Variants in RYK observed in about 807,000 individuals in gnomAD.
RYK encodes inactive tyrosine-protein kinase RYK.
A neutral mutation model predicts 70.2 loss-of-function variants in RYK; 21 were observed. The observed-to-expected ratio is 0.30, with a 90% confidence interval of 0.21 to 0.43. RYK has a LOEUF of 0.43. Ranked by LOEUF, RYK falls within the 20% of genes least tolerant of loss-of-function variation. The probability of loss-of-function intolerance (pLI) is 1.00; values close to 1 mark genes in which losing one functional copy is unlikely to be tolerated. For synonymous variants in RYK, 267 were observed against 278.0 expected, an observed-to-expected ratio of 0.96 and a Z score of 0.39; for missense variants, 604 against 753.3, an observed-to-expected ratio of 0.80 and a Z score of 2.32.
chr3:134,200,122 C>G (rs1464723059), intron 6 of RYK, among the ~76,000 whole-genome samples: 1 of 151,950 alleles, frequency 6.6e-6, no homozygotes, highest in Non-Finnish European at 1.5e-5. Flanking sequence ...AGCAGGCCAC[C>G]CAAGCCAGCA....
chr3:134,245,303 AT>A (rs1364482789), intron 1 of RYK, among the ~76,000 whole-genome samples: 1 of 152,078 alleles, frequency 6.6e-6, no homozygotes, highest in Non-Finnish European at 1.5e-5. Flanking sequence ...CCTAACTGCC[AT>A]TTACACATTG....
chr3:134,247,489 G>C (rs774710437), intron 1 of RYK, among the ~76,000 whole-genome samples: 1 of 152,186 alleles, frequency 6.6e-6, no homozygotes, highest in Non-Finnish European at 1.5e-5. Context: ...GATCACCTGA[G>C]GTTGGGGGTT....
chr3:134,188,207 C>T (rs1267589021), intron 9 of RYK, among the ~76,000 whole-genome samples: 1 of 146,088 alleles, frequency 6.8e-6, no homozygotes, highest in Non-Finnish European at 1.5e-5. Context: ...GTCGCCCAGG[C>T]TGGAGTGCAG....
intron 1 of RYK, among the ~76,000 whole-genome samples, chr3:134,232,862 T>C (rs1193530717): frequency 6.6e-6 from 1 of 152,242 alleles, no homozygotes; most frequent in African/African-American, 2.4e-5. Flanking sequence ...GGATCTGGAA[T>C]AGCAGGAATA....
chr3:134,233,315 G>T (rs1324617449), intron 1 of RYK, among the ~76,000 whole-genome samples: 1 of 152,054 alleles, frequency 6.6e-6, no homozygotes, highest in Non-Finnish European at 1.5e-5. Context: ...TAAACTTGAA[G>T]GGTTTTTATG....
intron 1 of RYK, among the ~76,000 whole-genome samples, chr3:134,243,855 T>C (rs1465859509): frequency 6.6e-6 from 1 of 152,164 alleles, no homozygotes; most frequent in Admixed American, 6.5e-5. Context: ...ATAACTCTTA[T>C]CTCTGTTACA....
intron 5 of RYK, among the ~76,000 whole-genome samples, chr3:134,206,141 C>T (rs2014206415): frequency 1.3e-5 from 2 of 151,938 alleles, no homozygotes; most frequent in Admixed American, 6.6e-5. Flanking sequence ...AGCAAGTAGA[C>T]GATATGTCAC....
At chr3:134,182,889 A>T in intron 10 of RYK, 113 bp downstream of exon 10, 2 of 535,972 alleles carry the variant, frequency 3.7e-6, no homozygotes, top group Non-Finnish European at 6.3e-6. Flanking sequence ...AAAAAAATTA[A>T]GCTATTCCAC....
In RYK at chr3:134,245,660, A is replaced by G. The variant is rs561039093; in HGVS notation, c.232+4763T>C. On this transcript the variant is annotated intron_variant, in intron 1 of 14. Transcript: ENST00000623711. ...GTTTTTTCTGAAGAAACTGAATCAC[A>G]GTGACAGGAGAACTGTAGCCAGAAG... Among the ~76,000 whole-genome samples, 16 of 152,274 alleles carry G rather than the reference A, an allele frequency of 1.1e-4. 1 individual carries two copies. In the South Asian group the frequency reaches 3.1e-3, roughly 30 times the overall value.
chr3:134,222,322 C>A, intron 2 of RYK, 96 bp downstream of exon 2: 1 of 1,258,350 alleles, frequency 7.9e-7, no homozygotes, highest in Non-Finnish European at 1.1e-6. Flanking sequence ...ACCAGCGGAC[C>A]CTTCAGTACA....
In RYK at chr3:134,167,553, G is replaced by C. The variant is rs139764147; in HGVS notation, c.1575+8056C>G. Among the ~76,000 whole-genome samples, 448 of 152,228 alleles carry C rather than the reference G, an allele frequency of 2.9e-3. 1 individual carries two copies. The highest frequency in any genetic ancestry group is 0.01 in the African/African-American group (418 of 41,550). Reference sequence around the variant, plus strand: ...AAACTGGCTAGCCATATGTAGAAAGGTGAAACTGGATAGCCATATGTAGAA... The same window carrying C: ...AAACTGGCTAGCCATATGTAGAAAGCTGAAACTGGATAGCCATATGTAGAA... On this transcript the variant is annotated intron_variant, in intron 13 of 14. Transcript: ENST00000623711.
rs1263073285 is a variant in RYK at position 134,175,619 on chromosome 3, G to C, written c.1565C>G (p.Ala522Gly). Reference sequence around the variant, plus strand: ...GGTCCCGGCACTTACCACATCACTAGCGCTAGAGAACTCGTTATTAACCAG... The same window carrying C: ...GGTCCCGGCACTTACCACATCACTACCGCTAGAGAACTCGTTATTAACCAG... Reference protein sequence around the residue: ...ESLVNNEFSSASDVWAFGVTL... With the variant: ...ESLVNNEFSSGSDVWAFGVTL... Residue 522 changes from alanine (A) to glycine (G), a missense_variant, in exon 13 of 15, where the codon GCT becomes GGT. This residue lies in a region of RYK where 138 missense variants were observed against 217.4 expected (regional missense o/e 0.63). Coordinates refer to ENST00000623711, the MANE Select transcript of RYK (RefSeq NM_002958.4). 1 of 1,613,510 alleles carries C rather than the reference G, an allele frequency of 6.2e-7. No individual in the cohort carries two copies. Among genetic ancestry groups the C allele is most frequent in the Non-Finnish European group, 8.5e-7 (1 of 1,179,824 alleles).
At chr3:134,172,061 C>T (rs1270115906) in intron 13 of RYK, among the ~76,000 whole-genome samples, 2 of 152,122 alleles carry the variant, frequency 1.3e-5, no homozygotes, top group Non-Finnish European at 2.9e-5. Flanking sequence ...CCATTTTCTG[C>T]CCATCGAACT....
chr3:134,238,363 G>T (rs138319313), intron 1 of RYK, among the ~76,000 whole-genome samples: 1 of 152,330 alleles, frequency 6.6e-6, no homozygotes, highest in African/African-American at 2.4e-5. Context: ...TCTTGAGAGT[G>T]TATGTTCATA....
intron 9 of RYK, among the ~76,000 whole-genome samples, chr3:134,187,022 C>T (rs1389538894): frequency 1.3e-5 from 2 of 152,176 alleles, no homozygotes; most frequent in African/African-American, 4.8e-5. Flanking sequence ...TACACTTGGT[C>T]TTAGCCGAAA....
chr3:134,207,043 C>T (rs1274896407), intron 5 of RYK, among the ~76,000 whole-genome samples: 1 of 152,016 alleles, frequency 6.6e-6, no homozygotes, highest in African/African-American at 2.4e-5. Context: ...TAAAAATCTA[C>T]TTTGCATACC....
chr3:134,247,254 C>T (rs1308455553), intron 1 of RYK, among the ~76,000 whole-genome samples: 1 of 151,978 alleles, frequency 6.6e-6, no homozygotes, highest in African/African-American at 2.4e-5. Context: ...AGTTATGATA[C>T]TAGAAAGTCA....
chr3:134,229,500 T>G (rs760404096), intron 1 of RYK, among the ~76,000 whole-genome samples: 11 of 151,734 alleles, frequency 7.2e-5, no homozygotes, highest in Non-Finnish European at 1.6e-4. Flanking sequence ...TATCAAAAAT[T>G]TAAAACCTTA....
At position 134,250,516 on chromosome 3, in the gene RYK, CGGCGGCAGCGCCAGGCGCG is replaced by C; in HGVS notation, c.120_138del (p.Ala41ProfsTer18). 1 of 1,231,172 alleles carries C rather than the reference CGGCGGCAGCGCCAGGCGCG, an allele frequency of 8.1e-7. No homozygotes were observed. The highest frequency in any genetic ancestry group is 1.0e-6 in the Non-Finnish European group (1 of 983,434). The allele number at this position is 1,231,172 out of a possible 1,614,324, so 76.3% of individuals were successfully genotyped here. ...AGCTCCGGGGGCCGCGGGGCGGGGG[CGGCGGCAGCGCCAGGCGCG>C]GGCAGCAGCGGCAACAGCGCAAGCA... On this transcript the variant is annotated frameshift_variant, in exon 1 of 15. Coordinates refer to ENST00000623711, the MANE Select transcript of RYK (RefSeq NM_002958.4). LOFTEE classifies it high-confidence loss of function.
Sources: allele counts gnomAD v4.1 joint callset (sites outside exome capture counted in the v4.1 genomes callset), GRCh38; gene constraint gnomAD v4.1.1; regional missense constraint gnomAD v4.1.1; transcripts MANE v1.5; gene names NCBI Gene and HGNC (gene_info 2026-07-23, HGNC 2026-07-21).